The following BAIAP2L2 variants were observed in gnomAD, a reference collection of about 807,000 sequenced individuals.
The protein encoded by BAIAP2L2 is BAR/IMD domain-containing adapter protein 2-like 2.
In BAIAP2L2, 65 loss-of-function variants were observed where a neutral mutation model predicts 60.4. The observed-to-expected ratio is 1.08, with a 90% CI of 0.88 to 1.32. The LOEUF (loss-of-function observed/expected upper bound fraction) is 1.32, where lower values mean the gene tolerates loss of function less well. Ranked by LOEUF, BAIAP2L2 falls within the 40% of genes most tolerant of loss-of-function variation. The pLI is 0.00. For missense variants in BAIAP2L2, 836 were observed against 741.2 expected (o/e 1.13, Z -1.48); for synonymous variants, 344 against 301.7 (o/e 1.14, Z -1.45).
At chr22:38,096,703 G>A (rs1378281030) in intron 7 of BAIAP2L2, among the ~76,000 whole-genome samples, 1 of 151,968 alleles carries the variant, frequency 6.6e-6, no homozygotes, top group Non-Finnish European at 1.5e-5. Context: ...GACGATAACT[G>A]AGCACACCTA....
intron 13 of BAIAP2L2, 53 bp from the exon 14 acceptor site, chr22:38,085,428 C>T: frequency 6.4e-7 from 1 of 1,572,924 alleles, no homozygotes; most frequent in Non-Finnish European, 8.7e-7. Flanking sequence ...CCCCACCTGG[C>T]CATGGCTCAG....
intron 6 of BAIAP2L2, among the ~76,000 whole-genome samples, chr22:38,097,508 G>A (rs1458602987): frequency 3.9e-5 from 6 of 152,188 alleles, no homozygotes; most frequent in South Asian, 4.1e-4. Flanking sequence ...TGAATGAGTA[G>A]GTTAATAGCC....
At chr22:38,101,324 A>T (rs1319516166) in intron 4 of BAIAP2L2, among the ~76,000 whole-genome samples, 1 of 138,252 alleles carries the variant, frequency 7.2e-6, no homozygotes, top group Non-Finnish European at 1.5e-5. Context: ...CTCGAGCCCA[A>T]GAGTTCCAGA....
intron 10 of BAIAP2L2, among the ~76,000 whole-genome samples, chr22:38,088,115 GC>G (rs1212895432): frequency 6.6e-6 from 1 of 152,210 alleles, no homozygotes; most frequent in African/African-American, 2.4e-5. Flanking sequence ...ACACTACCCT[GC>G]CCATGAAGCC....
chr22:38,087,624 A>G (rs1017289265), intron 10 of BAIAP2L2, among the ~76,000 whole-genome samples: 21 of 151,718 alleles, frequency 1.4e-4, no homozygotes, highest in Admixed American at 9.8e-4. Flanking sequence ...AGGTGTCCCT[A>G]TCGTTGGCGT....
chr22:38,105,339 CTTTTTTTTTT>C (rs1035690122), intron 4 of BAIAP2L2, among the ~76,000 whole-genome samples: 2 of 94,966 alleles, frequency 2.1e-5, no homozygotes, highest in African/African-American at 7.0e-5. Context: ...TTTTTCTTTT[CTTTTTTTTTT>C]TTTTTTTTTT....
chr22:38,110,293 C>T (rs965358426), intron 1 of BAIAP2L2, among the ~76,000 whole-genome samples, 182 bp downstream of exon 1: 3 of 151,742 alleles, frequency 2.0e-5, no homozygotes, highest in African/African-American at 4.8e-5. Context: ...GGGGTTCCCG[C>T]TGTATGGCTG....
At chr22:38,096,215 G>T (rs745439799) in intron 7 of BAIAP2L2, among the ~76,000 whole-genome samples, 6 of 152,160 alleles carry the variant, frequency 3.9e-5, no homozygotes, top group Non-Finnish European at 5.9e-5. Context: ...TATTTACAAA[G>T]AAGGTAGAAT....
chr22:38,110,804 T>C, upstream of BAIAP2L2: 2 of 474,838 alleles, frequency 4.2e-6, no homozygotes, highest in Admixed American at 3.9e-5. Flanking sequence ...TATTCACCCC[T>C]TGGAGCTGTG....
At chr22:38,088,080 C>T (rs1368318096) in intron 10 of BAIAP2L2, among the ~76,000 whole-genome samples, 5 of 152,238 alleles carry the variant, frequency 3.3e-5, no homozygotes, top group African/African-American at 1.2e-4. Context: ...CGCTGCTTCT[C>T]TCCTGCAGCA....
At chr22:38,098,021 A>ACAGGC in intron 6 of BAIAP2L2, 42 bp downstream of exon 6, 1 of 588,218 alleles carries the variant, frequency 1.7e-6, no homozygotes, top group Non-Finnish European at 3.1e-6. Flanking sequence ...AGGTCTGCCC[A>ACAGGC]CCCGCCCTTC....
Position 38,085,273 on chromosome 22 carries a change from C to T in BAIAP2L2, c.*27G>A. The T allele has an allele frequency of 1.2e-6, 2 of 1,609,228 alleles. No homozygotes were observed. The highest frequency in any genetic ancestry group is 8.5e-7 in the Non-Finnish European group (1 of 1,175,946). On this transcript the variant is annotated 3_prime_UTR_variant, in exon 14 of 14. Coordinates refer to ENST00000381669, the MANE Select transcript of BAIAP2L2 (RefSeq NM_025045.6). Reference sequence around the variant, plus strand: ...TCTGAACAGCCCCTGGGCAGGTGCACTGTGGGGTACGACCTCGGACCCCGC... The same window carrying T: ...TCTGAACAGCCCCTGGGCAGGTGCATTGTGGGGTACGACCTCGGACCCCGC...
chr22:38,103,326 A>G (rs954997761), intron 4 of BAIAP2L2, among the ~76,000 whole-genome samples: 2 of 152,378 alleles, frequency 1.3e-5, no homozygotes, highest in Non-Finnish European at 2.9e-5. Context: ...TTGCATATAA[A>G]TATGTATCCA....
In BAIAP2L2 at chr22:38,098,468, A is replaced by G. The variant is rs2086495543; in HGVS notation, c.291T>C (p.His97=). 6.2e-7 allele frequency: 1 copy of G among 1,613,854 alleles called. No individual in the cohort carries two copies. The highest frequency in any genetic ancestry group is 8.5e-7 in the Non-Finnish European group (1 of 1,179,862). The change falls in exon 5 of 14, where the codon CAT becomes CAC. Residue 97 remains histidine (H), a synonymous_variant. Coordinates refer to ENST00000381669, the MANE Select transcript of BAIAP2L2 (RefSeq NM_025045.6). ...TCTCCATGTGCTGCAGCAGGCCTCC[A>G]TGGAATGTCTGCACCTGAGCGGAGT... is the stretch of plus-strand genomic sequence containing the variant. ...SDLEVVVQTF[H]GGLLQHMEKN...
In BAIAP2L2 at chr22:38,085,236, G is replaced by A. The variant is rs916919236; in HGVS notation, c.*64C>T. ...ATCTGCTGCTGTTGCTGCTGTCGCT[G>A]CCATTGCCAGCTCTGAACAGCCCCT... On this transcript the variant is annotated 3_prime_UTR_variant, in exon 14 of 14. Coordinates refer to ENST00000381669, the MANE Select transcript of BAIAP2L2 (RefSeq NM_025045.6). 2.0e-6 allele frequency: 3 copies of A among 1,533,510 alleles called. No homozygotes were observed. Among genetic ancestry groups the A allele is most frequent in the African/African-American group, 2.7e-5 (2 of 73,054 alleles). The allele number at this position is 1,533,510 out of a possible 1,614,324, so 95.0% of individuals were successfully genotyped here. A position where few individuals can be genotyped will look rare whatever the true frequency, so the allele number is the denominator to read the frequency against.
intron 3 of BAIAP2L2, 105 bp from the exon 4 acceptor site, chr22:38,108,018 T>C: frequency 7.8e-7 from 1 of 1,281,768 alleles, no homozygotes; most frequent in Non-Finnish European, 1.1e-6. Flanking sequence ...CGAGACTGGA[T>C]TTTGGGACCA....
In BAIAP2L2 at chr22:38,088,892, CCCCCGCCGCCG is replaced by C. The variant is rs2086185765; in HGVS notation, c.963_973del (p.Gly322ArgfsTer107). The C allele has an allele frequency of 1.3e-6, 2 of 1,576,068 alleles. No homozygotes were observed. The highest frequency in any genetic ancestry group is 1.3e-5 in the African/African-American group (1 of 74,368). The stretch of plus-strand genomic sequence containing the variant: ...GACCAGGGCGCGGACTCTCCTGGCG[CCCCCGCCGCCG>C]CCCGGGCGCTCGCCAAAGGAGTTGG... On this transcript the variant is annotated frameshift_variant, in exon 10 of 14. Transcript: ENST00000381669. LOFTEE classifies it high-confidence loss of function.
At chr22:38,109,103 T>TG in intron 2 of BAIAP2L2, 30 bp downstream of exon 2, 2 of 1,580,672 alleles carry the variant, frequency 1.3e-6, no homozygotes, top group Non-Finnish European at 1.7e-6. Context: ...GGCCCAGGGC[T>TG]GGGGCTCGGT....
chr22:38,094,825 G>GTGGGAGGCA (rs930913414), intron 7 of BAIAP2L2, among the ~76,000 whole-genome samples: 2 of 126,524 alleles, frequency 1.6e-5, no homozygotes, highest in Admixed American at 7.2e-5. Flanking sequence ...CGGGGAGGGC[G>GTGGGAGGCA]TGGGAGGCGT....
Sources: allele counts gnomAD v4.1 joint callset (sites outside exome capture counted in the v4.1 genomes callset), GRCh38; gene constraint gnomAD v4.1.1; transcripts MANE v1.5; gene names NCBI Gene and HGNC (gene_info 2026-07-23, HGNC 2026-07-21).